The following RAB11FIP2 variants were observed in gnomAD, a reference collection of about 807,000 sequenced individuals.
RAB11FIP2 encodes the protein rab11 family-interacting protein 2.
Under a neutral mutation model 40.9 loss-of-function variants are expected in RAB11FIP2, and 16 were observed. The observed-to-expected ratio is 0.39, with a 90% confidence interval of 0.26 to 0.59. The LOEUF (loss-of-function observed/expected upper bound fraction) is 0.59. RAB11FIP2 is among the 20% of genes least tolerant of loss of function. RAB11FIP2 has a pLI of 0.53. For missense variants in RAB11FIP2, 532 were observed against 606.2 expected, an observed-to-expected ratio of 0.88 and a Z score of 1.28; for synonymous variants, 228 against 213.7, an observed-to-expected ratio of 1.07 and a Z score of -0.58.
intron 3 of RAB11FIP2, among the ~76,000 whole-genome samples, chr10:118,016,286 T>G (rs1313651409): frequency 6.6e-6 from 1 of 152,138 alleles, no homozygotes; most frequent in Non-Finnish European, 1.5e-5. Flanking sequence ...GGGTTGCATG[T>G]AGAGAGAGTG....
At chr10:118,039,704 G>C (rs1846529691) in intron 2 of RAB11FIP2, 1 of 411,172 alleles carries the variant, frequency 2.4e-6, no homozygotes, top group South Asian at 5.1e-5. Flanking sequence ...AAAACTAGAG[G>C]TTCTGGTTGG....
intron 3 of RAB11FIP2, among the ~76,000 whole-genome samples, chr10:118,025,508 T>C (rs372077203): frequency 2.6e-5 from 4 of 152,312 alleles, no homozygotes; most frequent in Middle Eastern, 3.4e-3. Flanking sequence ...TCTGAGTTCA[T>C]GTGCACCTCT....
At chr10:118,015,279 T>C (rs754361611) in intron 3 of RAB11FIP2, among the ~76,000 whole-genome samples, 169 bp from the exon 4 acceptor site, 38 of 152,220 alleles carry the variant, frequency 2.5e-4, no homozygotes, top group Non-Finnish European at 4.3e-4. Flanking sequence ...TTCCCCAACA[T>C]TCTTAAAGCA....
At chr10:118,015,217 C>CTTTAGAA in intron 3 of RAB11FIP2, 107 bp from the exon 4 acceptor site, 1 of 825,568 alleles carries the variant, frequency 1.2e-6, no homozygotes, top group Non-Finnish European at 1.8e-6. Flanking sequence ...TAAAGCCCTA[C>CTTTAGAA]ATTATTCAGA....
At chr10:118,012,361 C>T (rs1214700058) in intron 4 of RAB11FIP2, among the ~76,000 whole-genome samples, 1 of 151,744 alleles carries the variant, frequency 6.6e-6, no homozygotes, top group East Asian at 1.9e-4. Context: ...AGTTTCTAGG[C>T]AGGAAAACAT....
rs1044039820 is a variant in RAB11FIP2, at chr10:118,006,628, T to C, written c.*2370A>G. 1 of 152,082 alleles carries C rather than the reference T, an allele frequency of 6.6e-6. No homozygotes were observed. The highest frequency in any genetic ancestry group is 2.4e-5 in the African/African-American group (1 of 41,430). 9.4% of individuals were successfully genotyped at this position (152,082 alleles called of 1,614,324 possible). On this transcript the variant is annotated 3_prime_UTR_variant, in exon 5 of 5. Transcript: ENST00000355624. ...CTTGGGAACTAATTTTTACTTTTTG[T>C]TTTTAGTTTTATTATTTTGACTGAT...
At chr10:118,026,496 G>C (rs1253680183) in intron 3 of RAB11FIP2, among the ~76,000 whole-genome samples, 4 of 152,198 alleles carry the variant, frequency 2.6e-5, no homozygotes. Flanking sequence ...AATCTTGGTT[G>C]GAAGAGAGAC....
intron 3 of RAB11FIP2, among the ~76,000 whole-genome samples, chr10:118,027,456 A>G (rs1846357483): frequency 6.6e-6 from 1 of 152,232 alleles, no homozygotes; most frequent in Non-Finnish European, 1.5e-5. Context: ...AATTATTTGC[A>G]GCATTTAATT....
chr10:118,032,381 G>GGT (rs149900024), intron 3 of RAB11FIP2, among the ~76,000 whole-genome samples: 1 of 148,762 alleles, frequency 6.7e-6, no homozygotes, highest in African/African-American at 2.4e-5. Context: ...TATAATTTAG[G>GGT]GTGTGTGTGT....
chr10:118,032,903 T>C (rs1423158957), intron 3 of RAB11FIP2, among the ~76,000 whole-genome samples: 1 of 152,108 alleles, frequency 6.6e-6, no homozygotes, highest in Non-Finnish European at 1.5e-5. Flanking sequence ...GGTCGCCTAT[T>C]GCAGTATTAC....
At chr10:118,044,529 A>G (rs1337448685) in intron 1 of RAB11FIP2, among the ~76,000 whole-genome samples, 1 of 152,120 alleles carries the variant, frequency 6.6e-6, no homozygotes, top group African/African-American at 2.4e-5. Context: ...TAAACTTTAC[A>G]TTTAACTTTT....
Position 118,046,623 on chromosome 10 carries a change from G to C in RAB11FIP2, c.-460C>G, listed in dbSNP as rs933140989. The C allele has an allele frequency of 2.4e-4, 37 of 155,888 alleles. No homozygotes were observed. Among genetic ancestry groups the C allele is most frequent in the African/African-American group, 8.6e-4 (36 of 41,676 alleles). The allele number at this position is 155,888 out of a possible 1,614,324, so 9.7% of individuals were successfully genotyped here. A position where few individuals can be genotyped will look rare whatever the true frequency, so the allele number is the denominator to read the frequency against. On this transcript the variant is annotated 5_prime_UTR_variant, in exon 1 of 5. Coordinates refer to ENST00000355624, the MANE Select transcript of RAB11FIP2 (RefSeq NM_014904.3). ...CCGCCCGGCGTTCGTCCGCAGGCTC[G>C]GCCCGGCTCCTCCTCCCGACCCCGG...
At position 118,039,454 on chromosome 10, in the gene RAB11FIP2, T is replaced by C; in HGVS notation, c.797-14A>G. 6.3e-7 allele frequency: 1 copy of C among 1,593,178 alleles called. No homozygotes were observed. The highest frequency in any genetic ancestry group is 1.1e-5 in the South Asian group (1 of 90,318). On this transcript the variant is annotated splice_polypyrimidine_tract_variant and intron_variant, in intron 2 of 4. Coordinates refer to ENST00000355624, the MANE Select transcript of RAB11FIP2 (RefSeq NM_014904.3). ...ATTTGAGACTTCCTACAAACAATTT[T>C]GTAGTTAGTACATAATCAGTGACAC...
intron 3 of RAB11FIP2, among the ~76,000 whole-genome samples, chr10:118,032,262 G>A (rs763416000): frequency 6.6e-5 from 10 of 151,934 alleles, no homozygotes; most frequent in East Asian, 1.9e-4. Flanking sequence ...ATTTTTAAGC[G>A]TCATTCATCA....
Position 118,015,185 on chromosome 10 carries a change from C to A in RAB11FIP2, c.1266-75G>T, listed in dbSNP as rs1047024412. On this transcript the variant is annotated intron_variant, in intron 3 of 4. Transcript: ENST00000355624. ...AAACATAAAAATAGAAAAATTTTAA[C>A]CAACATTGTAATACAAATTTCTAAA... 9 of 1,253,772 alleles carry A rather than the reference C, an allele frequency of 7.2e-6. No individual in the cohort carries two copies. In the Admixed American group the frequency reaches 1.7e-4, roughly 24 times the overall value. The allele number at this position is 1,253,772 out of a possible 1,614,324, so 77.7% of individuals were successfully genotyped here.
intron 1 of RAB11FIP2, among the ~76,000 whole-genome samples, chr10:118,042,879 A>G: frequency 6.6e-6 from 1 of 152,206 alleles, no homozygotes; most frequent in East Asian, 1.9e-4. Flanking sequence ...CTCATTGAAA[A>G]TGTAGCAATG....
chr10:118,021,877 C>T (rs796787272), intron 3 of RAB11FIP2, among the ~76,000 whole-genome samples: 15 of 152,326 alleles, frequency 9.8e-5, no homozygotes, highest in African/African-American at 3.6e-4. Flanking sequence ...CAGGCCTTTT[C>T]CGCTCTACCT....
chr10:118,031,252 A>G (rs1846410080), intron 3 of RAB11FIP2, among the ~76,000 whole-genome samples: 2 of 152,172 alleles, frequency 1.3e-5, no homozygotes, highest in Admixed American at 1.3e-4. Flanking sequence ...ATTCAGGAAA[A>G]AAAAGTCCAT....
At chr10:118,045,179 T>C (rs2133186443) in intron 1 of RAB11FIP2, 1 of 152,414 alleles carries the variant, frequency 6.6e-6, no homozygotes, top group East Asian at 1.9e-4. Flanking sequence ...CTGAATACAA[T>C]AACTCTGATG....
Sources: allele counts gnomAD v4.1 joint callset (sites outside exome capture counted in the v4.1 genomes callset), GRCh38; gene constraint gnomAD v4.1.1; transcripts MANE v1.5; gene names NCBI Gene and HGNC (gene_info 2026-07-23, HGNC 2026-07-21).